Variants in CCL28 observed in about 807,000 individuals in gnomAD.
The protein encoded by CCL28 is C-C motif chemokine 28.
Under a neutral mutation model 7.1 loss-of-function variants are expected in CCL28, and 4 were observed. The observed-to-expected ratio is 0.56, with a 90% CI of 0.28 to 1.29. The LOEUF is 1.29. Among genes scored for constraint, CCL28 ranks in the 50% most tolerant of loss-of-function variants. The probability of loss-of-function intolerance (pLI) is 0.11; values close to 1 mark genes in which losing one functional copy is unlikely to be tolerated. For synonymous variants in CCL28, 55 were observed against 57.8 expected, an observed-to-expected ratio of 0.95 and a Z score of 0.22; for missense variants, 151 against 163.4, an observed-to-expected ratio of 0.92 and a Z score of 0.41.
chr5:43,405,526 T>A (rs952589174), intron 1 of CCL28, among the ~76,000 whole-genome samples: 1 of 152,154 alleles, frequency 6.6e-6, no homozygotes, highest in Admixed American at 6.5e-5. Flanking sequence ...TAGCACTACA[T>A]GTGAACAAGA....
chr5:43,395,932 C>A (rs948117739), intron 1 of CCL28, among the ~76,000 whole-genome samples: 6 of 133,978 alleles, frequency 4.5e-5, no homozygotes, highest in Non-Finnish European at 6.1e-5. Context: ...AGTGCAGTGG[C>A]GAGATCTCTG....
chr5:43,366,836 A>T, the CCL28 span, among the ~76,000 whole-genome samples: 2 of 152,184 alleles, frequency 1.3e-5, no homozygotes, highest in African/African-American at 2.4e-5. Context: ...TCTTTCAGAG[A>T]TGCCCTGCCA....
intron 2 of CCL28, chr5:43,388,116 C>T (rs1740414994): frequency 4.4e-6 from 2 of 456,268 alleles, no homozygotes; most frequent in South Asian, 3.7e-5. Flanking sequence ...CACAGCACTA[C>T]AGGGTGGAAG....
the CCL28 span, among the ~76,000 whole-genome samples, chr5:43,370,334 C>T: frequency 6.6e-6 from 1 of 152,080 alleles, no homozygotes; most frequent in Non-Finnish European, 1.5e-5. Flanking sequence ...CATCATATCG[C>T]TTAATCTCTC....
At chr5:43,410,500 T>C (rs1026190143) in intron 1 of CCL28, among the ~76,000 whole-genome samples, 2 of 152,156 alleles carry the variant, frequency 1.3e-5, no homozygotes, top group South Asian at 2.1e-4. Flanking sequence ...CCCTTCCTTA[T>C]TATCACCAGC....
downstream of CCL28, chr5:43,377,316 C>A (rs1256835441): frequency 6.6e-6 from 1 of 151,732 alleles, no homozygotes; most frequent in East Asian, 1.9e-4. Context: ...CATGGTGAAA[C>A]CCCGTCTGTA....
At chr5:43,369,034 G>GAA in the CCL28 span, among the ~76,000 whole-genome samples, 510 of 122,664 alleles carry the variant, frequency 4.2e-3, 2 homozygotes, top group Non-Finnish European at 5.6e-3. Context: ...GAGAAAGAGA[G>GAA]AAAGAGAGAG....
At chr5:43,369,391 A>AT in the CCL28 span, among the ~76,000 whole-genome samples, 1 of 152,080 alleles carries the variant, frequency 6.6e-6, no homozygotes, top group Non-Finnish European at 1.5e-5. Flanking sequence ...ATGTTTCCTG[A>AT]TATGTATGTT....
chr5:43,358,352 CA>C, the CCL28 span, among the ~76,000 whole-genome samples: 8 of 152,192 alleles, frequency 5.3e-5, no homozygotes, highest in Non-Finnish European at 7.4e-5. Flanking sequence ...CATAAAAAAG[CA>C]AAAACAGAGA....
At position 43,380,972 on chromosome 5, in the gene CCL28, T is replaced by C. The variant is rs1026153275; in HGVS notation, c.*888A>G. The stretch of plus-strand genomic sequence containing the variant: ...ATGCTCTCTAAATAGTTGGGAAAAT[T>C]TGAATATGGAATATATTAGATGAAA... On this transcript the variant is annotated 3_prime_UTR_variant, in exon 3 of 3. Coordinates refer to ENST00000361115, the MANE Select transcript of CCL28 (RefSeq NM_148672.3). 7 of 152,108 alleles carry C rather than the reference T, an allele frequency of 4.6e-5. No homozygotes were observed. Among genetic ancestry groups the C allele is most frequent in the Non-Finnish European group, 1.0e-4 (7 of 68,016 alleles). The allele number at this position is 152,108 out of a possible 1,614,324, so 9.4% of individuals were successfully genotyped here.
At chr5:43,370,784 C>T in the CCL28 span, among the ~76,000 whole-genome samples, 8 of 145,620 alleles carry the variant, frequency 5.5e-5, no homozygotes, top group Non-Finnish European at 3.0e-5. Context: ...CTTTGTTGTG[C>T]ATGGTGGAGT....
At chr5:43,358,030 G>A in the CCL28 span, among the ~76,000 whole-genome samples, 2 of 152,288 alleles carry the variant, frequency 1.3e-5, no homozygotes, top group East Asian at 3.9e-4. Flanking sequence ...AGGCACAGAT[G>A]TCTTCTGTTC....
At chr5:43,400,127 T>C (rs10043868) in intron 1 of CCL28, among the ~76,000 whole-genome samples, 12,236 of 152,244 alleles carry the variant, frequency 0.08, 932 homozygotes, top group African/African-American at 0.2. Context: ...ATTATAGGCA[T>C]GAGCCACTGC....
intron 1 of CCL28, among the ~76,000 whole-genome samples, chr5:43,394,010 C>T (rs1049428081): frequency 2.0e-5 from 3 of 152,164 alleles, no homozygotes; most frequent in African/African-American, 7.2e-5. Context: ...TTAATGCTTA[C>T]TCAGTAATAC....
rs146650602 is a variant in CCL28, at chr5:43,383,395, G to A, written c.192-1343C>T. ...ATAAGCTGCTATTTTTCTAGATGAC[G>A]CAAGTTGAATCTTTTTCAGCTAATG... On this transcript the variant is annotated intron_variant, in intron 2 of 2. Transcript: ENST00000361115. Among the ~76,000 whole-genome samples the A allele has an allele frequency of 1.0e-3, 158 of 152,210 alleles. 1 individual carries two copies. The highest frequency in any genetic ancestry group is 3.6e-3 in the African/African-American group (151 of 41,514).
the CCL28 span, among the ~76,000 whole-genome samples, chr5:43,361,349 A>G: frequency 6.6e-6 from 1 of 152,062 alleles, no homozygotes; most frequent in African/African-American, 2.4e-5. Flanking sequence ...CTGGAGTGAG[A>G]TGGTCTTTCA....
At chr5:43,400,899 T>A (rs1740999358) in intron 1 of CCL28, among the ~76,000 whole-genome samples, 1 of 151,862 alleles carries the variant, frequency 6.6e-6, no homozygotes, top group South Asian at 2.1e-4. Context: ...CTGACTAACA[T>A]GGTGAAACCC....
chr5:43,412,380 TAAA>T lies in CCL28; in HGVS notation c.-67_-65del. ...AGGCTGTTCGATCAGGAAATGAGGCTAAAGGTGTCCTTGGGCACAGAGAAAGTG... is the reference window on the plus strand; with the variant it reads ...AGGCTGTTCGATCAGGAAATGAGGCTGGTGTCCTTGGGCACAGAGAAAGTG... On this transcript the variant is annotated 5_prime_UTR_variant, in exon 1 of 3. Coordinates refer to ENST00000361115, the MANE Select transcript of CCL28 (RefSeq NM_148672.3). 2 of 1,474,192 alleles carry T rather than the reference TAAA, an allele frequency of 1.4e-6. No homozygotes were observed. The highest frequency in any genetic ancestry group is 1.9e-6 in the Non-Finnish European group (2 of 1,066,054). The allele number at this position is 1,474,192 out of a possible 1,614,324, so 91.3% of individuals were successfully genotyped here. A position where few individuals can be genotyped will look rare whatever the true frequency, so the allele number is the denominator to read the frequency against.
At chr5:43,359,734 A>G in the CCL28 span, among the ~76,000 whole-genome samples, 1 of 152,118 alleles carries the variant, frequency 6.6e-6, no homozygotes, top group Non-Finnish European at 1.5e-5. Flanking sequence ...AACTTCCTCA[A>G]TTGCTCCTAT....
Sources: gnomAD v4.1 joint callset for allele counts (sites outside exome capture counted in the v4.1 genomes callset) on GRCh38, gnomAD v4.1.1 for gene constraint, MANE v1.5 for transcripts, NCBI Gene and HGNC (gene_info 2026-07-23, HGNC 2026-07-21) for gene names.